Variants in RGS17 observed in about 807,000 individuals in gnomAD.
RGS17 encodes the protein regulator of G-protein signaling 17.
RGS17 carries 12 observed loss-of-function variants against 25.5 expected under a neutral mutation model. The ratio of observed to expected loss-of-function variants is 0.47; its 90% confidence interval spans 0.30 to 0.76. The LOEUF (loss-of-function observed/expected upper bound fraction) is 0.76. RGS17 is among the 30% of genes least tolerant of loss of function. RGS17 has a pLI of 0.07. For synonymous variants in RGS17, 71 were observed against 76.9 expected, an observed-to-expected ratio of 0.92 and a Z score of 0.40; for missense variants, 196 against 242.2, an observed-to-expected ratio of 0.81 and a Z score of 1.27.
intron 2 of RGS17, among the ~76,000 whole-genome samples, chr6:153,038,079 T>C (rs757341437): frequency 9.2e-5 from 14 of 152,188 alleles, no homozygotes; most frequent in Non-Finnish European, 1.8e-4. Flanking sequence ...TGCATTGCCA[T>C]GTAGAGTGAG....
At chr6:153,026,378 G>T in intron 3 of RGS17, 76 bp downstream of exon 3, 1 of 986,666 alleles carries the variant, frequency 1.0e-6, no homozygotes, top group Non-Finnish European at 1.6e-6. Flanking sequence ...GAAGCAAGGG[G>T]TAATACTGAG....
intron 2 of RGS17, among the ~76,000 whole-genome samples, chr6:153,027,856 C>T (rs1779319541): frequency 6.6e-6 from 1 of 152,132 alleles, no homozygotes; most frequent in South Asian, 2.1e-4. Context: ...CACTAAACAT[C>T]GTTGGTATGG....
At chr6:153,088,834 A>T (rs1777086674) in intron 1 of RGS17, among the ~76,000 whole-genome samples, 2 of 152,264 alleles carry the variant, frequency 1.3e-5, no homozygotes, top group South Asian at 2.1e-4. Flanking sequence ...CATATTTCAG[A>T]TTAGACCTCC....
At chr6:153,097,568 G>T (rs1777236530) in intron 1 of RGS17, among the ~76,000 whole-genome samples, 1 of 152,028 alleles carries the variant, frequency 6.6e-6, no homozygotes, top group Admixed American at 6.5e-5. Flanking sequence ...TGGGAGCAGG[G>T]CGTGCAGTGG....
At chr6:153,077,395 A>G (rs1163081268) in intron 1 of RGS17, among the ~76,000 whole-genome samples, 2 of 152,180 alleles carry the variant, frequency 1.3e-5, no homozygotes, top group African/African-American at 4.8e-5. Flanking sequence ...AACTCTGGAT[A>G]TTAGATGAGA....
chr6:153,129,736 A>C (rs1273750330), intron 1 of RGS17, among the ~76,000 whole-genome samples: 1 of 152,254 alleles, frequency 6.6e-6, no homozygotes, highest in African/African-American at 2.4e-5. Context: ...TTAAGAAAAG[A>C]AAGAAATAAC....
At chr6:153,024,569 G>A in intron 3 of RGS17, 73 bp from the exon 4 acceptor site, 1 of 1,106,810 alleles carries the variant, frequency 9.0e-7, no homozygotes, top group Non-Finnish European at 1.4e-6. Context: ...GTAAGGAGAG[G>A]AGCAGATAGA....
chr6:153,034,075 C>T (rs1247205559), intron 2 of RGS17, among the ~76,000 whole-genome samples: 1 of 152,064 alleles, frequency 6.6e-6, no homozygotes, highest in Non-Finnish European at 1.5e-5. Flanking sequence ...AAGTTAAAAC[C>T]CTGTTAGTGA....
chr6:153,087,179 A>C (rs1413346618), intron 1 of RGS17, among the ~76,000 whole-genome samples: 1 of 93,528 alleles, frequency 1.1e-5, no homozygotes, highest in Non-Finnish European at 2.6e-5. Flanking sequence ...GCTACTCAGG[A>C]GGGTGAGACA....
At chr6:153,011,847 G>T in intron 4 of RGS17, 85 bp from the exon 5 acceptor site, 1 of 984,134 alleles carries the variant, frequency 1.0e-6, no homozygotes, top group Non-Finnish European at 1.5e-6. Context: ...TGACATTTTA[G>T]AGAAACTTTA....
intron 2 of RGS17, among the ~76,000 whole-genome samples, chr6:153,039,397 G>C (rs1420726283): frequency 6.6e-6 from 1 of 152,158 alleles, no homozygotes; most frequent in Non-Finnish European, 1.5e-5. Flanking sequence ...GAAACTGCAA[G>C]CTGGAGCCAG....
intron 1 of RGS17, among the ~76,000 whole-genome samples, chr6:153,071,015 G>A (rs922083636): frequency 4.0e-5 from 6 of 149,790 alleles, no homozygotes; most frequent in African/African-American, 9.8e-5. Context: ...GTATATGCAC[G>A]TATGTGTATA....
intron 1 of RGS17, among the ~76,000 whole-genome samples, chr6:153,047,895 C>T (rs1188314128): frequency 6.6e-6 from 1 of 152,234 alleles, no homozygotes; most frequent in Non-Finnish European, 1.5e-5. Flanking sequence ...GGGCACCATA[C>T]TCACCTGTCT....
chr6:153,011,497 G>T lies in RGS17; in HGVS notation c.*77C>A. ...GGAATGCTAAACTGTAGTTCTCCAGGAACTCAGTTTCTGATGTTATTTAAC... is the reference window on the plus strand; with the variant it reads ...GGAATGCTAAACTGTAGTTCTCCAGTAACTCAGTTTCTGATGTTATTTAAC... On this transcript the variant is annotated 3_prime_UTR_variant, in exon 5 of 5. Coordinates refer to ENST00000206262, the MANE Select transcript of RGS17 (RefSeq NM_012419.5). 1 of 983,646 alleles carries T rather than the reference G, an allele frequency of 1.0e-6. No homozygotes were observed. The highest frequency in any genetic ancestry group is 1.6e-6 in the Non-Finnish European group (1 of 639,312). The allele number at this position is 983,646 out of a possible 1,614,324, so 60.9% of individuals were successfully genotyped here.
intron 1 of RGS17, among the ~76,000 whole-genome samples, chr6:153,114,477 T>G (rs995802546): frequency 6.6e-6 from 1 of 152,134 alleles, no homozygotes; most frequent in African/African-American, 2.4e-5. Flanking sequence ...ACCAGATGGA[T>G]TCACAGCTGA....
rs191278195 is a variant in RGS17, at chr6:153,028,057, G to A, written c.120-1514C>T. Among the ~76,000 whole-genome samples, 189 of 152,270 alleles carry A rather than the reference G, an allele frequency of 1.2e-3. 2 individuals carry two copies. The highest frequency in any genetic ancestry group is 0.012 in the East Asian group (60 of 5,176). ...GGGCCCATCTACAATGGAAAGTGAG[G>A]CTAGATAGGAAAACTGACCTGAGAG... On this transcript the variant is annotated intron_variant, in intron 2 of 4. Coordinates refer to ENST00000206262, the MANE Select transcript of RGS17 (RefSeq NM_012419.5).
chr6:153,013,056 C>T (rs1438953469), intron 4 of RGS17, among the ~76,000 whole-genome samples: 2 of 152,142 alleles, frequency 1.3e-5, no homozygotes, highest in African/African-American at 4.8e-5. Flanking sequence ...CATTTTACTG[C>T]ACTTCCCTTT....
chr6:153,025,715 CAT>C (rs931076890), intron 3 of RGS17, among the ~76,000 whole-genome samples: 27 of 142,378 alleles, frequency 1.9e-4, no homozygotes, highest in Non-Finnish European at 3.8e-4. Context: ...TATATATAAA[CAT>C]ATATATAAAC....
At chr6:153,032,835 A>C (rs1283206078) in intron 2 of RGS17, among the ~76,000 whole-genome samples, 1 of 152,246 alleles carries the variant, frequency 6.6e-6, no homozygotes, top group African/African-American at 2.4e-5. Flanking sequence ...TACTGTTATT[A>C]ACATTGTCAT....
Sources: allele counts gnomAD v4.1 joint callset (sites outside exome capture counted in the v4.1 genomes callset), GRCh38; gene constraint gnomAD v4.1.1; transcripts MANE v1.5; gene names NCBI Gene and HGNC (gene_info 2026-07-23, HGNC 2026-07-21).